The following CREM variants were observed in gnomAD, a reference collection of about 807,000 sequenced individuals.
The protein encoded by CREM is cAMP responsive element modulator.
CREM carries 13 observed loss-of-function variants against 37.3 expected under a neutral mutation model. The ratio of observed to expected loss-of-function variants is 0.35; its 90% CI spans 0.23 to 0.55. The LOEUF is 0.55. Among genes scored for constraint, CREM ranks in the 20% least tolerant of loss-of-function variants. The pLI, the probability that CREM is intolerant of heterozygous loss-of-function variation, is 0.88. For missense variants in CREM, 296 were observed against 362.3 expected, an observed-to-expected ratio of 0.82 and a Z score of 1.49; for synonymous variants, 124 against 120.2, an observed-to-expected ratio of 1.03 and a Z score of -0.21.
chr10:35,149,938 A>ACACACACACACACACACACC (rs796295851), intron 3 of CREM, among the ~76,000 whole-genome samples: 21 of 145,512 alleles, frequency 1.4e-4, no homozygotes, highest in Admixed American at 1.1e-3. Context: ...ACACACACAC[A>ACACACACACACACACACACC]CCCTTGTTAA....
chr10:35,201,502 G>A (rs1001332607), intron 6 of CREM: 12 of 1,551,484 alleles, frequency 7.7e-6, no homozygotes, highest in African/African-American at 2.7e-5. Flanking sequence ...TGGCAGAGCT[G>A]GACTAGAACC....
At chr10:35,130,913 G>C (rs1226274520) in intron 1 of CREM, among the ~76,000 whole-genome samples, 1 of 152,218 alleles carries the variant, frequency 6.6e-6, no homozygotes, top group African/African-American at 2.4e-5. Flanking sequence ...AAAGTAAAAT[G>C]ATATCTATTT....
Position 35,145,991 on chromosome 10 carries a change from G to C in CREM, c.45-2377G>C, listed in dbSNP as rs145580906. Reference sequence around the variant, plus strand: ...AAATACTTCTCGTTAATTCTGATGCGAGTTGTCCAAGGACCATAATTTGAG... The same window carrying C: ...AAATACTTCTCGTTAATTCTGATGCCAGTTGTCCAAGGACCATAATTTGAG... On this transcript the variant is annotated intron_variant, in intron 2 of 7. Transcript: ENST00000685392. Among the ~76,000 whole-genome samples, 684 of 152,222 alleles carry C rather than the reference G, an allele frequency of 4.5e-3. 2 individuals are homozygous for C. In the Middle Eastern group the frequency reaches 0.048, roughly 11 times the overall value.
chr10:35,154,031 C>T (rs898542849), intron 3 of CREM: 4 of 398,364 alleles, frequency 1.0e-5, no homozygotes, highest in East Asian at 7.1e-5. Flanking sequence ...GGCTTCATAT[C>T]TTATCCTTTC....
intron 6 of CREM, among the ~76,000 whole-genome samples, chr10:35,206,515 C>T (rs557773953): frequency 5.9e-5 from 9 of 152,142 alleles, no homozygotes; most frequent in African/African-American, 9.7e-5. Context: ...GTATTTACAT[C>T]GTGAGAATTA....
chr10:35,211,096 A>T (rs1442781347), intron 7 of CREM, among the ~76,000 whole-genome samples, 158 bp from the exon 8 acceptor site: 1 of 152,210 alleles, frequency 6.6e-6, no homozygotes, highest in African/African-American at 2.4e-5. Flanking sequence ...TGGTTATCTT[A>T]CAAAAAGCAT....
intron 3 of CREM, among the ~76,000 whole-genome samples, chr10:35,174,629 C>G (rs2093968620): frequency 6.6e-6 from 1 of 152,186 alleles, no homozygotes; most frequent in Non-Finnish European, 1.5e-5. Context: ...TGTGGTTCTA[C>G]TACCACTCAT....
chr10:35,153,891 A>G (rs16935890), intron 3 of CREM, among the ~76,000 whole-genome samples: 4,127 of 152,298 alleles, frequency 0.027, 85 homozygotes, highest in Non-Finnish European at 0.042. Context: ...TTTTGGAAAC[A>G]AGGAGACACT....
chr10:35,175,396 A>G (rs1310455976), intron 3 of CREM, among the ~76,000 whole-genome samples: 1 of 152,214 alleles, frequency 6.6e-6, no homozygotes, highest in Non-Finnish European at 1.5e-5. Flanking sequence ...CAGGGAGCCA[A>G]GATCACGCCA....
At chr10:35,162,376 C>T (rs1186018529) in intron 3 of CREM, among the ~76,000 whole-genome samples, 5 of 152,056 alleles carry the variant, frequency 3.3e-5, no homozygotes, top group African/African-American at 1.2e-4. Context: ...TAGTTAAGGA[C>T]AATGTATTGT....
chr10:35,132,377 T>G (rs901689015), intron 1 of CREM, among the ~76,000 whole-genome samples: 7 of 152,112 alleles, frequency 4.6e-5, no homozygotes, highest in Non-Finnish European at 1.0e-4. Flanking sequence ...GCAGGCAGCA[T>G]GTGGGAAATG....
chr10:35,158,798 G>GTTTTTT (rs543961468), intron 3 of CREM, among the ~76,000 whole-genome samples: 1 of 100,836 alleles, frequency 9.9e-6, no homozygotes, highest in African/African-American at 3.5e-5. Flanking sequence ...CAAATATAGT[G>GTTTTTT]TTTTTTTTTT....
intron 3 of CREM, among the ~76,000 whole-genome samples, chr10:35,168,247 C>T (rs537063768): frequency 6.6e-6 from 1 of 152,192 alleles, no homozygotes. Flanking sequence ...TTCTCCACAT[C>T]CTCTCCAGCA....
chr10:35,167,813 G>A (rs1437332559), intron 3 of CREM: 1 of 1,611,202 alleles, frequency 6.2e-7, no homozygotes, highest in Admixed American at 1.7e-5. Context: ...GGTAAATGAT[G>A]TCTGCTATAA....
intron 6 of CREM, chr10:35,195,326 G>A: frequency 8.1e-7 from 1 of 1,230,720 alleles, no homozygotes; most frequent in Non-Finnish European, 1.2e-6. Context: ...TAGTCACTTA[G>A]GTGTAAGACT....
intron 3 of CREM, among the ~76,000 whole-genome samples, chr10:35,158,111 T>C (rs1704918800): frequency 6.6e-6 from 1 of 152,182 alleles, no homozygotes; most frequent in Non-Finnish European, 1.5e-5. Context: ...GTTCATGGAT[T>C]GGAAGAATTA....
chr10:35,195,670 C>G (rs1404245437), intron 6 of CREM, among the ~76,000 whole-genome samples: 1 of 152,112 alleles, frequency 6.6e-6, no homozygotes, highest in Non-Finnish European at 1.5e-5. Flanking sequence ...AAATGCAGCT[C>G]CAAACAGAAT....
rs187881784 is a variant in CREM at position 35,181,525 on chromosome 10, G to T, written c.409+2249G>T. On this transcript the variant is annotated intron_variant, in intron 5 of 7. Transcript: ENST00000685392. ...CACTCTGTGTGTCTGTGGGGGGGAT[G>T]AGAGGAGCAGAGTCAGGAATTTTGG... is the stretch of plus-strand genomic sequence containing the variant. Among the ~76,000 whole-genome samples, 279 of 152,282 alleles carry T rather than the reference G, an allele frequency of 1.8e-3. 1 individual carries two copies. The highest frequency in any genetic ancestry group is 6.4e-3 in the African/African-American group (265 of 41,564).
At chr10:35,155,023 A>G (rs377295737) in intron 3 of CREM, among the ~76,000 whole-genome samples, 2 of 152,196 alleles carry the variant, frequency 1.3e-5, no homozygotes, top group East Asian at 3.8e-4. Flanking sequence ...ATTAAAGGTG[A>G]CAGTACTTTG....
Sources: gnomAD v4.1 joint callset for allele counts (sites outside exome capture counted in the v4.1 genomes callset) on GRCh38, gnomAD v4.1.1 for gene constraint, MANE v1.5 for transcripts, NCBI Gene and HGNC (gene_info 2026-07-23, HGNC 2026-07-21) for gene names.